Variants in SLIT3 observed in about 807,000 individuals in gnomAD.
The protein encoded by SLIT3 is slit homolog 3 protein.
In SLIT3, 68 loss-of-function variants were observed where a neutral mutation model predicts 184.0. That is an observed-to-expected ratio of 0.37 (90% CI 0.30 to 0.45). SLIT3 has a LOEUF of 0.45. SLIT3 is among the 20% of genes least tolerant of loss of function. The pLI is 1.00. For missense variants in SLIT3, 1,707 were observed against 2,026.0 expected (o/e 0.84, Z 3.02); for synonymous variants, 831 against 828.6 (o/e 1.00, Z -0.05).
At chr5:169,054,091 A>G (rs897048812) in intron 4 of SLIT3, among the ~76,000 whole-genome samples, 1 of 152,024 alleles carries the variant, frequency 6.6e-6, no homozygotes, top group Non-Finnish European at 1.5e-5. Flanking sequence ...ACTCTCTCTC[A>G]AGAAAAGAAA....
At chr5:169,143,600 AC>A (rs1391803004) in intron 4 of SLIT3, among the ~76,000 whole-genome samples, 1 of 152,230 alleles carries the variant, frequency 6.6e-6, no homozygotes, top group African/African-American at 2.4e-5. Flanking sequence ...GGAGTTCAAG[AC>A]CAGCCCAGCC....
intron 4 of SLIT3, among the ~76,000 whole-genome samples, chr5:169,101,360 C>G (rs1393971720): frequency 6.6e-6 from 1 of 152,194 alleles, no homozygotes; most frequent in Non-Finnish European, 1.5e-5. Context: ...GCCCTCTAGA[C>G]CTCCCACCAT....
At chr5:169,191,693 G>T (rs1763556192) in intron 4 of SLIT3, among the ~76,000 whole-genome samples, 1 of 152,102 alleles carries the variant, frequency 6.6e-6, no homozygotes, top group African/African-American at 2.4e-5. Flanking sequence ...TAACTCATAG[G>T]TTCCCCATGC....
intron 4 of SLIT3, among the ~76,000 whole-genome samples, chr5:169,026,034 C>A (rs1244388126): frequency 6.6e-6 from 1 of 152,176 alleles, no homozygotes; most frequent in Non-Finnish European, 1.5e-5. Flanking sequence ...TGCTGGCATC[C>A]ATTAGCCTTT....
chr5:168,997,838 C>A (rs966401890), intron 4 of SLIT3, among the ~76,000 whole-genome samples: 2 of 152,168 alleles, frequency 1.3e-5, no homozygotes, highest in Admixed American at 6.5e-5. Context: ...TTCTGGCACA[C>A]CTGAGTTTGT....
At chr5:168,934,643 G>C (rs2113178508) in intron 4 of SLIT3, among the ~76,000 whole-genome samples, 1 of 152,206 alleles carries the variant, frequency 6.6e-6, no homozygotes, top group South Asian at 2.1e-4. Context: ...CCAAAGAAGA[G>C]CAAAGGCAGC....
chr5:169,139,137 G>C (rs1203063317), intron 4 of SLIT3, among the ~76,000 whole-genome samples: 2 of 152,182 alleles, frequency 1.3e-5, no homozygotes, highest in African/African-American at 4.8e-5. Context: ...CCAGTGCCAT[G>C]AGCACCAGCC....
rs573628430 is a variant in SLIT3 at position 169,237,179 on chromosome 5, G to A, written c.341+7526C>T. Among the ~76,000 whole-genome samples, 9 of 152,222 alleles carry A rather than the reference G, an allele frequency of 5.9e-5. No homozygotes were observed. In the South Asian group the frequency reaches 1.2e-3, roughly 21 times the overall value. ...CCTTTGCTCCCTTAAGTTCAGTGAC[G>A]CTGATGCATACATTCATCACAGTCT... is the stretch of plus-strand genomic sequence containing the variant. On this transcript the variant is annotated intron_variant, in intron 3 of 35. Coordinates refer to ENST00000519560, the MANE Select transcript of SLIT3 (RefSeq NM_003062.4).
chr5:169,031,993 C>G (rs1213531282), intron 4 of SLIT3, among the ~76,000 whole-genome samples: 2 of 152,136 alleles, frequency 1.3e-5, no homozygotes, highest in Admixed American at 1.3e-4. Context: ...AAAAGCACTA[C>G]TTTGGATTAG....
chr5:169,056,449 G>T (rs976537731), intron 4 of SLIT3, among the ~76,000 whole-genome samples: 1 of 152,108 alleles, frequency 6.6e-6, no homozygotes, highest in Non-Finnish European at 1.5e-5. Flanking sequence ...CTTTGCAGAG[G>T]CCCAGGCATA....
Position 168,663,833 on chromosome 5 carries a change from A to T in SLIT3, c.*2621T>A, listed in dbSNP as rs1020452534. On this transcript the variant is annotated 3_prime_UTR_variant, in exon 36 of 36. Coordinates refer to ENST00000519560, the MANE Select transcript of SLIT3 (RefSeq NM_003062.4). ...TAGAAGTTCCCTCCTCTGGACAGCC[A>T]CTTCCATTGCTTGTATTGCCACTTA... 1 of 152,226 alleles carries T rather than the reference A, an allele frequency of 6.6e-6. No individual in the cohort carries two copies. Among genetic ancestry groups the T allele is most frequent in the African/African-American group, 2.4e-5 (1 of 41,432 alleles). The allele number at this position is 152,226 out of a possible 1,614,324, so 9.4% of individuals were successfully genotyped here.
At chr5:168,968,066 T>C (rs9313436) in intron 4 of SLIT3, among the ~76,000 whole-genome samples, 9,620 of 152,196 alleles carry the variant, frequency 0.063, 371 homozygotes, top group African/African-American at 0.095. Flanking sequence ...TAAGATTCCT[T>C]ACCATTCTCC....
rs993186981 is a variant in SLIT3, at chr5:169,011,601, G to A, written c.414-128265C>T. ...GGAAGGCTGAGGAATGCACTGCCCAGCACACTCAAGACAGTCATTTGCTGG... is the reference window on the plus strand; with the variant it reads ...GGAAGGCTGAGGAATGCACTGCCCAACACACTCAAGACAGTCATTTGCTGG... On this transcript the variant is annotated intron_variant, in intron 4 of 35. Transcript: ENST00000519560. 1.3e-5 allele frequency among the ~76,000 whole-genome samples: 2 copies of A among 152,164 alleles called. 1 individual carries two copies. Among genetic ancestry groups the A allele is most frequent in the East Asian group, 3.9e-4 (2 of 5,194 alleles).
intron 8 of SLIT3, among the ~76,000 whole-genome samples, chr5:168,808,975 T>C (rs1390194910): frequency 6.6e-6 from 1 of 152,168 alleles, no homozygotes; most frequent in Non-Finnish European, 1.5e-5. Flanking sequence ...ATGTCAGGAA[T>C]GGGAGTCTGA....
intron 4 of SLIT3, among the ~76,000 whole-genome samples, chr5:169,179,492 T>C (rs1452725054): frequency 6.6e-6 from 1 of 152,188 alleles, no homozygotes; most frequent in Non-Finnish European, 1.5e-5. Flanking sequence ...CCCAGATCTT[T>C]GAAACTGCAT....
chr5:168,847,949 C>A (rs768703149), intron 5 of SLIT3, among the ~76,000 whole-genome samples: 8 of 152,164 alleles, frequency 5.3e-5, no homozygotes, highest in Non-Finnish European at 1.0e-4. Flanking sequence ...GCAACATGCA[C>A]GCTATCACTC....
At chr5:168,960,032 C>G (rs1164742549) in intron 4 of SLIT3, among the ~76,000 whole-genome samples, 1 of 152,208 alleles carries the variant, frequency 6.6e-6, no homozygotes, top group Non-Finnish European at 1.5e-5. Flanking sequence ...AGGCAGGCTC[C>G]AGAGTCCTGA....
intron 1 of SLIT3, among the ~76,000 whole-genome samples, chr5:169,276,474 C>T (rs753975276): frequency 1.3e-5 from 2 of 152,192 alleles, no homozygotes; most frequent in African/African-American, 4.8e-5. Flanking sequence ...TCCAAAGAGT[C>T]GCCGGGATGC....
At chr5:169,082,975 G>A (rs1759132796) in intron 4 of SLIT3, among the ~76,000 whole-genome samples, 1 of 152,088 alleles carries the variant, frequency 6.6e-6, no homozygotes, top group African/African-American at 2.4e-5. Context: ...GAGCTCCAAA[G>A]CAAATAAAGT....
Sources: gnomAD v4.1 joint callset for allele counts (sites outside exome capture counted in the v4.1 genomes callset) on GRCh38, gnomAD v4.1.1 for gene constraint, MANE v1.5 for transcripts, NCBI Gene and HGNC (gene_info 2026-07-23, HGNC 2026-07-21) for gene names.